Variants in FAM83G observed in about 807,000 individuals in gnomAD.
FAM83G encodes the protein scaffolding CK1 anchoring protein G, also known as protein FAM83G.
In FAM83G, 38 loss-of-function variants were observed where a neutral mutation model predicts 61.5. The observed-to-expected ratio is 0.62, with a 90% CI of 0.48 to 0.81. The LOEUF is 0.81. Ranked by LOEUF, FAM83G falls within the 30% of genes least tolerant of loss-of-function variation. The pLI, the probability that FAM83G is intolerant of heterozygous loss-of-function variation, is 0.00. For missense variants in FAM83G, 989 were observed against 1,133.6 expected, an observed-to-expected ratio of 0.87 and a Z score of 1.83; for synonymous variants, 470 against 476.1, an observed-to-expected ratio of 0.99 and a Z score of 0.17.
Position 18,977,917 on chromosome 17 carries a change from ATCT to A in FAM83G, c.1746_1748del (p.Glu582del), listed in dbSNP as rs777773357. The A allele has an allele frequency of 2.0e-5, 32 of 1,609,788 alleles. No individual in the cohort carries two copies. The highest frequency in any genetic ancestry group is 1.6e-4 in the Middle Eastern group (1 of 6,080). ...CACTGAGGGTTACGTAGTCGTCATCATCTTCTTCTTCCACCCCATCCAGCCCAT... is the reference window on the plus strand; with the variant it reads ...CACTGAGGGTTACGTAGTCGTCATCATCTTCTTCCACCCCATCCAGCCCAT... On this transcript the variant is annotated inframe_deletion, in exon 5 of 6. Transcript: ENST00000388995.
rs1339780446 is a variant in FAM83G at position 19,004,454 on chromosome 17, G to A, written c.-129+255C>T. 6.6e-6 allele frequency among the ~76,000 whole-genome samples: 1 copy of A among 152,190 alleles called. No individual in the cohort carries two copies. Among genetic ancestry groups the A allele is most frequent in the Non-Finnish European group, 1.5e-5 (1 of 68,010 alleles). ...GCCTGAAGTCCTCGCAACTTCTGAG[G>A]GAAACTAGGGCAGCCGGGGAACTTC... On this transcript the variant is annotated intron_variant, in intron 1 of 5. Transcript: ENST00000388995. The surrounding 1 kb of genome is among the most constrained non-coding windows in gnomAD (Gnocchi z 5.4).
chr17:18,972,483 C>T (rs2042879003), intron 5 of FAM83G, among the ~76,000 whole-genome samples: 1 of 152,176 alleles, frequency 6.6e-6, no homozygotes. Flanking sequence ...GTGACTTTTC[C>T]GTGGTTCCCG....
At chr17:18,980,452 G>A (rs564636193) in intron 3 of FAM83G, among the ~76,000 whole-genome samples, 2 of 152,240 alleles carry the variant, frequency 1.3e-5, no homozygotes, top group East Asian at 3.9e-4. Context: ...GGAGCACAGC[G>A]GGCCCCTCAA....
chr17:18,968,835 T>C lies in FAM83G; in HGVS notation c.*2524A>G, dbSNP rs568131018. On this transcript the variant is annotated 3_prime_UTR_variant, in exon 6 of 6. Transcript: ENST00000388995. This position sits in a 1 kb window ranked among gnomAD's most constrained non-coding sequence, Gnocchi z 4.1. The stretch of plus-strand genomic sequence containing the variant: ...CTTTGGACTTTATTAGCAACAGTAA[T>C]GTCCCCTGACATCCGCACAAGCTTG... 8.2e-5 allele frequency: 46 copies of C among 562,620 alleles called. No homozygotes were observed. In the South Asian group the frequency reaches 1.1e-3, roughly 13 times the overall value. 34.9% of individuals were successfully genotyped at this position (562,620 alleles called of 1,614,324 possible). A position where few individuals can be genotyped will look rare whatever the true frequency, so the allele number is the denominator to read the frequency against.
In FAM83G at chr17:18,977,727, G is replaced by A. The variant is rs201668455; in HGVS notation, c.1939C>T (p.Arg647Trp). 2.1e-5 allele frequency: 33 copies of A among 1,608,244 alleles called. No individual in the cohort carries two copies. The East Asian group carries it at 2.2e-4, about 11-fold the overall frequency. ...GTTATATGGGGGGCACTCAGCTGCC[G>A]GCGCGGTGGTGGGGTTGGCCCGTTG... The part of the protein sequence containing the change: ...VANGPTPPPR[R>W]QLSAPHITRG... Residue 647 changes from arginine to tryptophan, a missense_variant, in exon 5 of 6, where the codon CGG becomes TGG. Physicochemically the swap from Arg to Trp is moderately radical, Grantham distance 101 (BLOSUM62 -3). Coordinates refer to ENST00000388995, the MANE Select transcript of FAM83G (RefSeq NM_001039999.3).
At chr17:18,987,260 T>C (rs2043293561) in intron 3 of FAM83G, among the ~76,000 whole-genome samples, 1 of 152,182 alleles carries the variant, frequency 6.6e-6, no homozygotes, top group African/African-American at 2.4e-5. Flanking sequence ...TATCTTTAAC[T>C]TGCTAGCAGT....
intron 3 of FAM83G, among the ~76,000 whole-genome samples, chr17:18,986,630 A>G (rs946529504): frequency 6.6e-6 from 1 of 152,244 alleles, no homozygotes; most frequent in Non-Finnish European, 1.5e-5. Flanking sequence ...CGGAGCAGCC[A>G]GGGCTTCTCT....
chr17:18,977,639 T>G lies in FAM83G; in HGVS notation c.2027A>C (p.Glu676Ala). 2 of 1,609,942 alleles carry G rather than the reference T, an allele frequency of 1.2e-6. No homozygotes were observed. Among genetic ancestry groups the G allele is most frequent in the Non-Finnish European group, 1.7e-6 (2 of 1,179,938 alleles). The change falls in exon 5 of 6, where the codon GAA (glutamate) becomes GCA (alanine). Residue 676 changes from glutamate to alanine, a missense_variant. Coordinates refer to ENST00000388995, the MANE Select transcript of FAM83G (RefSeq NM_001039999.3). ...SPWAQSRGRE[E>A]ADALKRMQAQ... Reference sequence around the variant, plus strand: ...CTGCATCCTCTTCAACGCATCTGCTTCTTCTCTTCCCCGACTCTGGGCCCA... The same window carrying G: ...CTGCATCCTCTTCAACGCATCTGCTGCTTCTCTTCCCCGACTCTGGGCCCA...
At position 18,971,233 on chromosome 17, in the gene FAM83G, C is replaced by T; in HGVS notation, c.*126G>A. ...GCACCGACCAGGTGAGTGCCAACGTCTCCCGCCCATCCCACCTTCCTGCCG... is the reference window on the plus strand; with the variant it reads ...GCACCGACCAGGTGAGTGCCAACGTTTCCCGCCCATCCCACCTTCCTGCCG... On this transcript the variant is annotated 3_prime_UTR_variant, in exon 6 of 6. Transcript: ENST00000388995. This position sits in a 1 kb window ranked among gnomAD's most constrained non-coding sequence, Gnocchi z 5.5. The T allele has an allele frequency of 6.2e-7, 1 of 1,613,298 alleles. No homozygotes were observed. Among genetic ancestry groups the T allele is most frequent in the Non-Finnish European group, 8.5e-7 (1 of 1,179,564 alleles).
Position 18,988,379 on chromosome 17 carries a change from C to A in FAM83G, c.558G>T (p.Val186=). The A allele has an allele frequency of 6.2e-7, 1 of 1,614,192 alleles. No homozygotes were observed. Among genetic ancestry groups the A allele is most frequent in the Non-Finnish European group, 8.5e-7 (1 of 1,180,042 alleles). The stretch of plus-strand genomic sequence containing the variant: ...CGTCCAGCAGGTCCTTGAAGATGTC[C>A]ACGTCGGTGAACATGTCCATGACCA... ...IAVVMDMFTD[V]DIFKDLLDAG... Residue 186 remains valine, a synonymous_variant, in exon 3 of 6, where the codon GTG becomes GTT. Transcript: ENST00000388995.
chr17:19,005,030 C>T (rs58094480), upstream of FAM83G, among the ~76,000 whole-genome samples: 2,424 of 152,330 alleles, frequency 0.016, 59 homozygotes, highest in African/African-American at 0.055. Flanking sequence ...AGCCTTGGCA[C>T]CCCCCTGTGC....
At chr17:18,994,407 G>A (rs766605102) in intron 2 of FAM83G, among the ~76,000 whole-genome samples, 27 of 152,186 alleles carry the variant, frequency 1.8e-4, no homozygotes, top group Non-Finnish European at 3.4e-4. Context: ...TAGCAGCTAG[G>A]ATTTGCAGGA....
At chr17:18,977,558 C>A in intron 5 of FAM83G, 26 bp downstream of exon 5, 1 of 1,596,534 alleles carries the variant, frequency 6.3e-7, no homozygotes, top group South Asian at 1.1e-5. Context: ...ACTCGTGACC[C>A]CTGGTGTGCA....
Position 18,977,612 on chromosome 17 carries a change from G to A in FAM83G, c.2054C>T (p.Ala685Val). 6.2e-7 allele frequency: 1 copy of A among 1,609,250 alleles called. No homozygotes were observed. The highest frequency in any genetic ancestry group is 8.5e-7 in the Non-Finnish European group (1 of 1,179,914). Residue 685 changes from alanine to valine, a missense_variant, in exon 5 of 6, where the codon GCC becomes GTC. By Grantham distance (64) the Ala-to-Val change is moderately conservative. Transcript: ENST00000388995. ...EEADALKRMQ[A>V]QRSTDKEAQG... is the part of the protein sequence containing the mutation. ...TGCCTCCTTGTCTGTGGAGCGCTGG[G>A]CCTGCATCCTCTTCAACGCATCTGC...
chr17:18,979,770 T>G, intron 3 of FAM83G, 97 bp from the exon 4 acceptor site: 1 of 1,415,792 alleles, frequency 7.1e-7, no homozygotes, highest in South Asian at 1.2e-5. Flanking sequence ...GAGGGGACTC[T>G]GGAGTAGTCA....
chr17:18,978,552 T>A lies in FAM83G; in HGVS notation c.1114A>T (p.Lys372Ter). The stretch of plus-strand genomic sequence containing the variant: ...GCTGGGCCTTTCAGCCCCAGGGGCT[T>A]CTTGGCCTCCTGCTTCTCAGAGGAG... ...KISSEKQEAK[K>*]PLGLKGPALA... The change falls in exon 5 of 6, where the codon AAG becomes TAG. Residue 372 changes from lysine (K) to a stop codon, truncating the protein, a stop_gained. Coordinates refer to ENST00000388995, the MANE Select transcript of FAM83G (RefSeq NM_001039999.3). LOFTEE classifies it high-confidence loss of function. The A allele has an allele frequency of 6.2e-7, 1 of 1,613,238 alleles. No homozygotes were observed.
intron 3 of FAM83G, among the ~76,000 whole-genome samples, chr17:18,985,799 C>A (rs1300212698): frequency 6.6e-6 from 1 of 152,192 alleles, no homozygotes; most frequent in Non-Finnish European, 1.5e-5. Context: ...GCAGGGCAGG[C>A]GGGGCCAGGG....
At chr17:18,980,233 C>T (rs1050696673) in intron 3 of FAM83G, among the ~76,000 whole-genome samples, 1 of 152,166 alleles carries the variant, frequency 6.6e-6, no homozygotes, top group Admixed American at 6.5e-5. Flanking sequence ...CTCTGCTGGG[C>T]TCTGCTCCGA....
At chr17:18,994,394 G>C (rs2043509665) in intron 2 of FAM83G, among the ~76,000 whole-genome samples, 1 of 152,188 alleles carries the variant, frequency 6.6e-6, no homozygotes, top group African/African-American at 2.4e-5. Context: ...TTCACTCTGA[G>C]TGTAGCAGCT....
Sources: gnomAD v4.1 joint callset for allele counts (sites outside exome capture counted in the v4.1 genomes callset) on GRCh38, gnomAD v4.1.1 for gene constraint, Gnocchi (gnomAD v3.1) non-coding constraint, MANE v1.5 for transcripts, NCBI Gene and HGNC (gene_info 2026-07-23, HGNC 2026-07-21) for gene names.